KIAA0319L: variants seen among roughly 807,000 people sequenced by gnomAD.
The protein encoded by KIAA0319L is KIAA0319 like, also known as dyslexia-associated protein KIAA0319-like protein.
A neutral mutation model predicts 120.1 loss-of-function variants in KIAA0319L; 55 were observed. The ratio of observed to expected loss-of-function variants is 0.46; its 90% CI spans 0.37 to 0.57. The LOEUF (loss-of-function observed/expected upper bound fraction) is 0.57. Among genes scored for constraint, KIAA0319L ranks in the 20% least tolerant of loss-of-function variants. KIAA0319L has a pLI of 0.00. For missense variants in KIAA0319L, 1,049 were observed against 1,255.3 expected (o/e 0.84, Z 2.48); for synonymous variants, 398 against 471.9 (o/e 0.84, Z 2.03).
chr1:35,483,361 T>A (rs1178984066), intron 3 of KIAA0319L, among the ~76,000 whole-genome samples: 1 of 152,218 alleles, frequency 6.6e-6, no homozygotes, highest in African/African-American at 2.4e-5. Flanking sequence ...CTTCCATAAG[T>A]TTTATAGCTT....
intron 6 of KIAA0319L, among the ~76,000 whole-genome samples, chr1:35,467,064 C>A: frequency 6.9e-6 from 1 of 144,938 alleles, no homozygotes; most frequent in East Asian, 2.0e-4. Flanking sequence ...TGCACTCCAG[C>A]AAGAAAAAGT....
chr1:35,531,154 A>G (rs546701771), intron 2 of KIAA0319L, among the ~76,000 whole-genome samples: 1 of 152,204 alleles, frequency 6.6e-6, no homozygotes, highest in South Asian at 2.1e-4. Context: ...ATGGCACATG[A>G]AAGTACATGG....
At chr1:35,466,825 G>A (rs545619342) in intron 6 of KIAA0319L, 130 bp from the exon 7 acceptor site, 14 of 683,462 alleles carry the variant, frequency 2.0e-5, no homozygotes, top group Non-Finnish European at 9.9e-6. Context: ...AATGGAAAAG[G>A]TAAAGTAGCC....
chr1:35,474,271 CATT>C (rs1160225856), intron 5 of KIAA0319L, among the ~76,000 whole-genome samples: 1 of 152,188 alleles, frequency 6.6e-6, no homozygotes, highest in Admixed American at 6.5e-5. Flanking sequence ...CTGAGCCACT[CATT>C]ATCTGTGTGA....
At chr1:35,443,652 A>G (rs140334081) in intron 17 of KIAA0319L, among the ~76,000 whole-genome samples, 7,381 of 152,126 alleles carry the variant, frequency 0.049, 427 homozygotes, top group East Asian at 0.25. Context: ...CAGCCTGGGC[A>G]ACAGAGCAAG....
chr1:35,553,002 G>A (rs1375219716), intron 2 of KIAA0319L, among the ~76,000 whole-genome samples: 2 of 151,904 alleles, frequency 1.3e-5, no homozygotes, highest in Admixed American at 6.6e-5. Flanking sequence ...CAGGACAATC[G>A]CTTGAACCTG....
chr1:35,523,237 A>G (rs1645996953), intron 2 of KIAA0319L, among the ~76,000 whole-genome samples: 1 of 151,920 alleles, frequency 6.6e-6, no homozygotes, highest in Admixed American at 6.6e-5. Context: ...AACTCCTCAC[A>G]TGAGGTTTCA....
chr1:35,456,267 A>T lies in KIAA0319L; in HGVS notation c.1428-26T>A, dbSNP rs375074539. ...CTATCAGGGCAGAGAGAGGAGTGTGATCAGGGACGGGTTTAAGGAAAGAGG... is the reference window on the plus strand; with the variant it reads ...CTATCAGGGCAGAGAGAGGAGTGTGTTCAGGGACGGGTTTAAGGAAAGAGG... On this transcript the variant is annotated intron_variant, in intron 9 of 20. Transcript: ENST00000325722. 30 of 1,429,642 alleles carry T rather than the reference A, an allele frequency of 2.1e-5. 1 individual carries two copies. The South Asian group carries it at 3.7e-4, about 17-fold the overall frequency. The allele number at this position is 1,429,642 out of a possible 1,614,324, so 88.6% of individuals were successfully genotyped here. A position where few individuals can be genotyped will look rare whatever the true frequency, so the allele number is the denominator to read the frequency against.
At chr1:35,528,790 G>A (rs931901568) in intron 2 of KIAA0319L, among the ~76,000 whole-genome samples, 9 of 152,070 alleles carry the variant, frequency 5.9e-5, no homozygotes, top group African/African-American at 2.2e-4. Context: ...CTGGTGTTGG[G>A]TGTATATATA....
intron 2 of KIAA0319L, among the ~76,000 whole-genome samples, chr1:35,530,956 G>A (rs545310311): frequency 2.6e-5 from 4 of 152,218 alleles, no homozygotes; most frequent in South Asian, 2.1e-4. Flanking sequence ...GCAGCAGTGC[G>A]CAGGGAAAGG....
intron 3 of KIAA0319L, among the ~76,000 whole-genome samples, chr1:35,485,491 T>C (rs1644353555): frequency 6.6e-6 from 1 of 152,238 alleles, no homozygotes; most frequent in African/African-American, 2.4e-5. Flanking sequence ...TCCCCTTTAA[T>C]TTTTACTTTT....
intron 13 of KIAA0319L, 77 bp from the exon 14 acceptor site, chr1:35,450,586 A>T: frequency 7.2e-7 from 1 of 1,386,874 alleles, no homozygotes; most frequent in Middle Eastern, 2.1e-4. Flanking sequence ...CTTATGGGGA[A>T]ATTAAAACAT....
chr1:35,457,062 G>A (rs193087127), intron 9 of KIAA0319L, among the ~76,000 whole-genome samples: 8 of 152,078 alleles, frequency 5.3e-5, no homozygotes, highest in Non-Finnish European at 8.8e-5. Flanking sequence ...CTGCCTGCAC[G>A]CATCTGTGTC....
chr1:35,446,539 G>A (rs932964479), intron 16 of KIAA0319L, among the ~76,000 whole-genome samples: 2 of 152,048 alleles, frequency 1.3e-5, no homozygotes. Flanking sequence ...CACTATAGTT[G>A]CACTGATCTA....
chr1:35,474,719 A>C, intron 5 of KIAA0319L, 86 bp downstream of exon 5: 1 of 742,306 alleles, frequency 1.3e-6, no homozygotes, highest in East Asian at 2.7e-5. Context: ...TGAGCCCAGG[A>C]GTTTGAGACC....
chr1:35,494,944 G>A (rs995526070), intron 3 of KIAA0319L, among the ~76,000 whole-genome samples: 7 of 152,084 alleles, frequency 4.6e-5, no homozygotes, highest in Admixed American at 1.3e-4. Flanking sequence ...AAGGTAAAAC[G>A]GCAATTCAGT....
Position 35,557,192 on chromosome 1 carries a change from C to T in KIAA0319L, c.-29+15G>A, listed in dbSNP as rs1046063206. Reference sequence around the variant, plus strand: ...TGGTCCTCGGCCTGGCAGCCAGCCGCCCCCGGCCACCTACCGGGGCTCAGG... The same window carrying T: ...TGGTCCTCGGCCTGGCAGCCAGCCGTCCCCGGCCACCTACCGGGGCTCAGG... On this transcript the variant is annotated intron_variant, in intron 1 of 20. Transcript: ENST00000325722. 9.4e-5 allele frequency: 16 copies of T among 170,568 alleles called. No individual in the cohort carries two copies. The highest frequency in any genetic ancestry group is 3.8e-5 in the Non-Finnish European group (3 of 78,078). The allele number at this position is 170,568 out of a possible 1,614,324, so 10.6% of individuals were successfully genotyped here.
intron 3 of KIAA0319L, among the ~76,000 whole-genome samples, chr1:35,492,088 A>G (rs564594007): frequency 6.6e-6 from 1 of 152,340 alleles, no homozygotes; most frequent in Non-Finnish European, 1.5e-5. Flanking sequence ...AATAATACCA[A>G]TTCTACACAA....
At chr1:35,445,092 T>C (rs1641521101) in intron 16 of KIAA0319L, among the ~76,000 whole-genome samples, 2 of 152,138 alleles carry the variant, frequency 1.3e-5, no homozygotes, top group South Asian at 4.1e-4. Flanking sequence ...ATTGATCCCC[T>C]CATCATGCAG....
Sources: allele counts gnomAD v4.1 joint callset (sites outside exome capture counted in the v4.1 genomes callset), GRCh38; gene constraint gnomAD v4.1.1; transcripts MANE v1.5; gene names NCBI Gene and HGNC (gene_info 2026-07-23, HGNC 2026-07-21).